The following BAZ2B variants were observed in gnomAD, a reference collection of about 807,000 sequenced individuals.
BAZ2B encodes bromodomain adjacent to zinc finger domain protein 2B.
Under a neutral mutation model 246.0 loss-of-function variants are expected in BAZ2B, and 91 were observed. The ratio of observed to expected loss-of-function variants is 0.37; its 90% CI spans 0.31 to 0.44. The LOEUF is 0.44. Ranked by LOEUF, BAZ2B falls within the 20% of genes least tolerant of loss-of-function variation. BAZ2B has a pLI of 1.00. For missense variants in BAZ2B, 2,332 were observed against 2,533.7 expected, an observed-to-expected ratio of 0.92 and a Z score of 1.71; for synonymous variants, 855 against 860.0, an observed-to-expected ratio of 0.99 and a Z score of 0.10.
At chr2:159,494,031 C>T (rs1352067931) in intron 2 of BAZ2B, among the ~76,000 whole-genome samples, 1 of 152,174 alleles carries the variant, frequency 6.6e-6, no homozygotes, top group African/African-American at 2.4e-5. Context: ...CCCTTTTATA[C>T]ACTAAAGCCG....
At chr2:159,621,366 G>A (rs1453592099), upstream of BAZ2B, among the ~76,000 whole-genome samples, 1 of 151,986 alleles carries the variant, frequency 6.6e-6, no homozygotes, top group Non-Finnish European at 1.5e-5. Context: ...CTCTAAAGAC[G>A]CTTCTGATAA....
At chr2:159,709,789 C>T in the BAZ2B span, among the ~76,000 whole-genome samples, 1 of 152,140 alleles carries the variant, frequency 6.6e-6, no homozygotes, top group African/African-American at 2.4e-5. Flanking sequence ...TCTAAGCTAT[C>T]AGGTGGAAGA....
chr2:159,636,294 T>C, the BAZ2B span, among the ~76,000 whole-genome samples: 2 of 152,202 alleles, frequency 1.3e-5, no homozygotes, highest in Non-Finnish European at 2.9e-5. Context: ...GGTCTTCAAT[T>C]GCCACTGCCT....
In BAZ2B at chr2:159,363,537, A is replaced by C. The variant is rs376650229; in HGVS notation, c.4213+9508T>G. 1.1e-4 allele frequency among the ~76,000 whole-genome samples: 17 copies of C among 152,302 alleles called. No individual in the cohort carries two copies. The East Asian group carries it at 2.9e-3, about 26-fold the overall frequency. On this transcript the variant is annotated intron_variant, in intron 27 of 36. Transcript: ENST00000392783. ...ATACAAGCCCCACAGCAGAGGCGGA[A>C]ATGGAAAGAGACAGGGTCTCATGAG...
chr2:159,367,414 G>A (rs934423769), intron 27 of BAZ2B, among the ~76,000 whole-genome samples: 1 of 152,046 alleles, frequency 6.6e-6, no homozygotes, highest in African/African-American at 2.4e-5. Context: ...TGTACAACAC[G>A]AATTTAATTT....
chr2:159,409,113 T>C (rs1228585496), intron 14 of BAZ2B, among the ~76,000 whole-genome samples: 1 of 152,118 alleles, frequency 6.6e-6, no homozygotes, highest in Non-Finnish European at 1.5e-5. Context: ...AAGTATCTTT[T>C]GTGGCTTAAG....
At chr2:159,556,280 A>T (rs1016323142) in intron 1 of BAZ2B, among the ~76,000 whole-genome samples, 1 of 152,242 alleles carries the variant, frequency 6.6e-6, no homozygotes, top group Non-Finnish European at 1.5e-5. Context: ...TTATCAGTAC[A>T]GATTAGAACC....
At chr2:159,471,928 A>G (rs2077852169) in intron 3 of BAZ2B, among the ~76,000 whole-genome samples, 1 of 152,204 alleles carries the variant, frequency 6.6e-6, no homozygotes, top group Non-Finnish European at 1.5e-5. Flanking sequence ...TAGATTTTAA[A>G]GAAATGGGCT....
intron 2 of BAZ2B, among the ~76,000 whole-genome samples, chr2:159,509,740 A>T: frequency 6.6e-6 from 1 of 152,190 alleles, no homozygotes; most frequent in East Asian, 1.9e-4. Context: ...TGTGATATAC[A>T]TATATACATA....
chr2:159,683,051 T>C, the BAZ2B span, among the ~76,000 whole-genome samples: 1 of 152,130 alleles, frequency 6.6e-6, no homozygotes. Context: ...TGGAGCATTA[T>C]TATTTATGCT....
chr2:159,543,636 A>C (rs1259539543), intron 2 of BAZ2B, among the ~76,000 whole-genome samples: 1 of 151,710 alleles, frequency 6.6e-6, no homozygotes, highest in East Asian at 1.9e-4. Context: ...CCTGGGTTCA[A>C]GGGATTCTCC....
At chr2:159,573,988 C>T (rs918665065) in intron 1 of BAZ2B, among the ~76,000 whole-genome samples, 3 of 152,000 alleles carry the variant, frequency 2.0e-5, no homozygotes, top group Admixed American at 6.6e-5. Context: ...ATAGTCCCAG[C>T]TACTTGGGTG....
intron 2 of BAZ2B, among the ~76,000 whole-genome samples, chr2:159,519,766 G>A (rs1358031883): frequency 1.9e-5 from 1 of 51,430 alleles, no homozygotes; most frequent in Non-Finnish European, 4.8e-5. Flanking sequence ...TCCGCCTCCC[G>A]GGTTCACGCC....
At chr2:159,372,214 A>G (rs770765898) in intron 27 of BAZ2B, among the ~76,000 whole-genome samples, 4 of 152,230 alleles carry the variant, frequency 2.6e-5, no homozygotes, top group Non-Finnish European at 4.4e-5. Context: ...TGTCTAGCAC[A>G]TAGCAGGCAT....
the BAZ2B span, among the ~76,000 whole-genome samples, chr2:159,641,515 G>C: frequency 6.6e-6 from 1 of 152,144 alleles, no homozygotes; most frequent in Admixed American, 6.6e-5. Flanking sequence ...TAGGCAGTCT[G>C]TTTACTCTGT....
At chr2:159,332,326 C>CAAA (rs11409022) in intron 34 of BAZ2B, among the ~76,000 whole-genome samples, 6,020 of 141,340 alleles carry the variant, frequency 0.043, 255 homozygotes, top group East Asian at 0.13. Flanking sequence ...ATCTCTCTCT[C>CAAA]AAAAAAAAAA....
chr2:159,580,703 A>G (rs1039910341), intron 1 of BAZ2B, among the ~76,000 whole-genome samples: 2 of 152,140 alleles, frequency 1.3e-5, no homozygotes, highest in Non-Finnish European at 1.5e-5. Context: ...GCATGGCTAC[A>G]GTAACCAAAA....
chr2:159,546,484 A>G (rs2087374034), intron 2 of BAZ2B, among the ~76,000 whole-genome samples: 1 of 147,380 alleles, frequency 6.8e-6, no homozygotes, highest in South Asian at 2.3e-4. Flanking sequence ...ATGGACTAAT[A>G]CATCTAGTAT....
chr2:159,549,824 CTTTTTTTT>C (rs766811132), intron 2 of BAZ2B, among the ~76,000 whole-genome samples: 3 of 131,134 alleles, frequency 2.3e-5, no homozygotes, highest in Admixed American at 7.7e-5. Flanking sequence ...TTTTTTCTTT[CTTTTTTTT>C]TTTTTTTTTG....
Sources: gnomAD v4.1 joint callset for allele counts (sites outside exome capture counted in the v4.1 genomes callset) on GRCh38, gnomAD v4.1.1 for gene constraint, MANE v1.5 for transcripts, NCBI Gene and HGNC (gene_info 2026-07-23, HGNC 2026-07-21) for gene names.